Variants in NUP43 observed in about 807,000 individuals in gnomAD.
The protein encoded by NUP43 is nucleoporin 43, also known as nucleoporin Nup43.
Under a neutral mutation model 47.3 loss-of-function variants are expected in NUP43, and 32 were observed. The ratio of observed to expected loss-of-function variants is 0.68; its 90% CI spans 0.51 to 0.91. The LOEUF is 0.91. NUP43 is among the 40% of genes least tolerant of loss of function. The pLI, the probability that NUP43 is intolerant of heterozygous loss-of-function variation, is 0.00. For missense variants in NUP43, 444 were observed against 453.9 expected, an observed-to-expected ratio of 0.98 and a Z score of 0.20; for synonymous variants, 147 against 158.4, an observed-to-expected ratio of 0.93 and a Z score of 0.54.
At chr6:149,742,288 A>G in intron 4 of NUP43, 102 bp downstream of exon 4, 1 of 1,055,344 alleles carries the variant, frequency 9.5e-7, no homozygotes, top group Non-Finnish European at 1.4e-6. Flanking sequence ...GGCCTCCCAA[A>G]GTGCTGCAAT....
intron 7 of NUP43, among the ~76,000 whole-genome samples, chr6:149,730,011 C>CT (rs748964252): frequency 0.014 from 1,961 of 141,976 alleles, 40 homozygotes; most frequent in African/African-American, 0.044. Context: ...AAAGCACGCC[C>CT]TTTTTTTTTT....
chr6:149,730,870 C>T (rs575303254), intron 7 of NUP43, among the ~76,000 whole-genome samples: 30 of 151,490 alleles, frequency 2.0e-4, no homozygotes, highest in African/African-American at 7.0e-4. Context: ...CCCAGGAGGG[C>T]GAGGATGTAG....
rs776164649 is a variant in NUP43 at position 149,742,420 on chromosome 6, C to A, written c.472G>T (p.Ala158Ser). 1 of 1,614,168 alleles carries A rather than the reference C, an allele frequency of 6.2e-7. No homozygotes were observed. The highest frequency in any genetic ancestry group is 2.2e-5 in the East Asian group (1 of 44,892). The change falls in exon 4 of 8, where the codon GCT becomes TCT. Residue 158 changes from alanine to serine, a missense_variant. Transcript: ENST00000340413. ...GEDGRINLFR[A>S]DHKEAVRTID... ...GTTCTTACAGCTTCCTTGTGATCAG[C>A]TCTGAAGAGATTTATTCGACCATCC...
intron 2 of NUP43, among the ~76,000 whole-genome samples, chr6:149,744,792 C>T (rs1307159394): frequency 2.0e-5 from 3 of 146,582 alleles, no homozygotes; most frequent in Non-Finnish European, 4.5e-5. Flanking sequence ...GCTGAGCTCT[C>T]GCCACTGCAC....
rs1784819041 is a variant in NUP43, at chr6:149,727,038, A to G, written c.1074T>C (p.Val358=). 1 of 1,614,170 alleles carries G rather than the reference A, an allele frequency of 6.2e-7. No homozygotes were observed. Residue 358 remains valine (V), a synonymous_variant, in exon 8 of 8, where the codon GTT becomes GTC. Coordinates refer to ENST00000340413, the MANE Select transcript of NUP43 (RefSeq NM_198887.3). The part of the protein sequence containing the change: ...SRSLSVNTLD[V]LGPCLVCGTD... ...TTCCACAAACAAGACAAGGACCTAA[A>G]ACATCCAAAGTGTTCACAGACAGAG...
intron 6 of NUP43, among the ~76,000 whole-genome samples, chr6:149,734,970 G>C (rs562896353): frequency 1.3e-5 from 2 of 152,032 alleles, no homozygotes; most frequent in Non-Finnish European, 2.9e-5. Flanking sequence ...AATAAATTGA[G>C]GAGCACAACA....
At chr6:149,736,019 T>G (rs1171628379) in intron 6 of NUP43, among the ~76,000 whole-genome samples, 1 of 144,214 alleles carries the variant, frequency 6.9e-6, no homozygotes, top group African/African-American at 2.6e-5. Context: ...GGCTCATGCC[T>G]GTAATCCCAG....
At chr6:149,740,369 G>A (rs992852895) in intron 4 of NUP43, among the ~76,000 whole-genome samples, 2 of 150,138 alleles carry the variant, frequency 1.3e-5, no homozygotes, top group South Asian at 2.1e-4. Context: ...AGTGGCTCAC[G>A]CCTGTAATCC....
intron 7 of NUP43, chr6:149,728,500 T>C: frequency 1.0e-6 from 1 of 973,958 alleles, no homozygotes; most frequent in Non-Finnish European, 1.2e-6. Flanking sequence ...TTAGAATTTT[T>C]TTCCCCTTAG....
rs1046251430 is a variant in NUP43, at chr6:149,742,619, A to G, written c.322-49T>C. On this transcript the variant is annotated intron_variant, in intron 3 of 7. Coordinates refer to ENST00000340413, the MANE Select transcript of NUP43 (RefSeq NM_198887.3). ...TATTAAAGCAAAGTACTAAGGAATTAGCACTTCTTCCCAACAAGAGTATCT... is the reference window on the plus strand; with the variant it reads ...TATTAAAGCAAAGTACTAAGGAATTGGCACTTCTTCCCAACAAGAGTATCT... 5.0e-6 allele frequency: 7 copies of G among 1,400,050 alleles called. 1 individual carries two copies. The African/African-American group carries it at 8.5e-5, about 17-fold the overall frequency. The allele number at this position is 1,400,050 out of a possible 1,614,324, so 86.7% of individuals were successfully genotyped here. A position where few individuals can be genotyped will look rare whatever the true frequency, so the allele number is the denominator to read the frequency against.
intron 2 of NUP43, among the ~76,000 whole-genome samples, chr6:149,744,974 T>A (rs879420613): frequency 6.6e-6 from 1 of 150,658 alleles, no homozygotes; most frequent in Non-Finnish European, 1.5e-5. Flanking sequence ...CACTCTCGGC[T>A]CACTGCAACC....
Position 149,738,655 on chromosome 6 carries a change from T to C in NUP43, c.626A>G (p.Gln209Arg). 6.4e-7 allele frequency: 1 copy of C among 1,568,452 alleles called. No individual in the cohort carries two copies. Among genetic ancestry groups the C allele is most frequent in the Non-Finnish European group, 8.6e-7 (1 of 1,161,938 alleles). Reference protein sequence around the residue: ...DFRQQGNEPSQILSLTGDRVP... With the variant: ...DFRQQGNEPSRILSLTGDRVP... ...AATCAACACTTACAGTGACAATATCTGAGAAGGCTCATTTCCTTGTTGTCT... is the reference window on the plus strand; with the variant it reads ...AATCAACACTTACAGTGACAATATCCGAGAAGGCTCATTTCCTTGTTGTCT... Residue 209 changes from glutamine to arginine, a missense_variant, in exon 5 of 8, where the codon CAG (glutamine) becomes CGG (arginine). Coordinates refer to ENST00000340413, the MANE Select transcript of NUP43 (RefSeq NM_198887.3).
Position 149,725,278 on chromosome 6 carries a change from G to A in NUP43, c.*1691C>T, listed in dbSNP as rs1220759793. 1.3e-5 allele frequency: 2 copies of A among 152,168 alleles called. No individual in the cohort carries two copies. The highest frequency in any genetic ancestry group is 2.9e-5 in the Non-Finnish European group (2 of 68,042). 9.4% of individuals were successfully genotyped at this position (152,168 alleles called of 1,614,324 possible). Reference sequence around the variant, plus strand: ...TTCGAGACCAGCCCTGGCCAACATGGTGAAACCCTGTCGTCTCTACTAATA... The same window carrying A: ...TTCGAGACCAGCCCTGGCCAACATGATGAAACCCTGTCGTCTCTACTAATA... On this transcript the variant is annotated 3_prime_UTR_variant, in exon 8 of 8. Coordinates refer to ENST00000340413, the MANE Select transcript of NUP43 (RefSeq NM_198887.3).
chr6:149,740,542 T>C (rs1021831760), intron 4 of NUP43, among the ~76,000 whole-genome samples: 5 of 151,988 alleles, frequency 3.3e-5, no homozygotes, highest in African/African-American at 1.2e-4. Context: ...GGCTGGAGAA[T>C]CGCGTGAACC....
intron 6 of NUP43, among the ~76,000 whole-genome samples, chr6:149,735,071 C>A (rs1294734743): frequency 2.0e-5 from 3 of 152,002 alleles, no homozygotes; most frequent in Admixed American, 6.6e-5. Flanking sequence ...TGATTTTTAT[C>A]ACTTTTCAGG....
chr6:149,741,362 T>C (rs968547116), intron 4 of NUP43, among the ~76,000 whole-genome samples: 13 of 151,652 alleles, frequency 8.6e-5, no homozygotes, highest in Non-Finnish European at 1.6e-4. Flanking sequence ...TTAGTAGAGA[T>C]GGGGTTTTGC....
chr6:149,727,443 G>A, intron 7 of NUP43: 2 of 983,856 alleles, frequency 2.0e-6, no homozygotes, highest in Non-Finnish European at 2.4e-6. Flanking sequence ...AAAAGCAGGT[G>A]ATTTCAACTG....
rs1440901535 is a variant in NUP43 at position 149,727,076 on chromosome 6, G to A, written c.1036C>T (p.Leu346Phe). ...AKDRIEITSL[L>F]PSRSLSVNTL... is the part of the protein sequence containing the mutation. ...TTCACAGACAGAGACCTACTGGGAA[G>A]TAAGCTTGTGATTTCAATTCGGTCT... Residue 346 changes from leucine (L) to phenylalanine (F), a missense_variant, in exon 8 of 8, where the codon CTT becomes TTT. Coordinates refer to ENST00000340413, the MANE Select transcript of NUP43 (RefSeq NM_198887.3). 6.2e-7 allele frequency: 1 copy of A among 1,614,166 alleles called. No individual in the cohort carries two copies. Among genetic ancestry groups the A allele is most frequent in the East Asian group, 2.2e-5 (1 of 44,880 alleles).
chr6:149,743,788 T>A, intron 2 of NUP43, 73 bp from the exon 3 acceptor site: 2 of 871,356 alleles, frequency 2.3e-6, no homozygotes, highest in Non-Finnish European at 3.7e-6. Context: ...TTTATTTAAC[T>A]CAATTAGTAG....
Sources: gnomAD v4.1 joint callset for allele counts (sites outside exome capture counted in the v4.1 genomes callset) on GRCh38, gnomAD v4.1.1 for gene constraint, MANE v1.5 for transcripts, NCBI Gene and HGNC (gene_info 2026-07-23, HGNC 2026-07-21) for gene names.